RBFOX3: variants seen among roughly 807,000 people sequenced by gnomAD.
RBFOX3 encodes the protein RNA binding protein fox-1 homolog 3.
A neutral mutation model predicts 48.7 loss-of-function variants in RBFOX3; 17 were observed. The ratio of observed to expected loss-of-function variants is 0.35; its 90% CI spans 0.24 to 0.52. RBFOX3 has a LOEUF of 0.52. Ranked by LOEUF, RBFOX3 falls within the 20% of genes least tolerant of loss-of-function variation. The pLI is 0.94. For missense variants in RBFOX3, 382 were observed against 497.5 expected (o/e 0.77, Z 2.21); for synonymous variants, 212 against 209.5 (o/e 1.01, Z -0.10).
chr17:79,371,845 G>T (rs1314509875), intron 2 of RBFOX3, among the ~76,000 whole-genome samples: 1 of 152,184 alleles, frequency 6.6e-6, no homozygotes, highest in Admixed American at 6.5e-5. Flanking sequence ...GCGTGTCTCT[G>T]CTGTGTCACG....
At position 79,276,635 on chromosome 17, in the gene RBFOX3, A is replaced by G. The variant is rs752094031; in HGVS notation, c.-74+31089T>C. Reference sequence around the variant, plus strand: ...AGGAGTGAGAGGTTGCAGTGAGCCCAGCTTGTGCCACTGCACTCCAGCCTG... The same window carrying G: ...AGGAGTGAGAGGTTGCAGTGAGCCCGGCTTGTGCCACTGCACTCCAGCCTG... On this transcript the variant is annotated intron_variant, in intron 3 of 14. Transcript: ENST00000693108. Among the ~76,000 whole-genome samples, 24 of 152,336 alleles carry G rather than the reference A, an allele frequency of 1.6e-4. No homozygotes were observed. The East Asian group carries it at 4.1e-3, about 26-fold the overall frequency.
intron 2 of RBFOX3, among the ~76,000 whole-genome samples, chr17:79,398,650 G>A (rs542001089): frequency 1.9e-4 from 29 of 152,362 alleles, no homozygotes; most frequent in African/African-American, 6.0e-4. Flanking sequence ...CGTGGGCGAC[G>A]ATGCGGCTCC....
At chr17:79,452,292 T>C (rs782388743) in intron 2 of RBFOX3, among the ~76,000 whole-genome samples, 1 of 152,018 alleles carries the variant, frequency 6.6e-6, no homozygotes, top group Non-Finnish European at 1.5e-5. Flanking sequence ...CAGTGCAGGA[T>C]GGAGGCCCAC....
intron 3 of RBFOX3, among the ~76,000 whole-genome samples, chr17:79,259,049 T>C (rs1377102452): frequency 2.0e-5 from 3 of 152,256 alleles, no homozygotes; most frequent in Non-Finnish European, 2.9e-5. Context: ...TCTAAGTCAT[T>C]GCTCAAAACC....
chr17:79,610,932 C>T lies in RBFOX3; in HGVS notation c.-426G>A, dbSNP rs2093957011. 6.6e-6 allele frequency among the ~76,000 whole-genome samples: 1 copy of T among 151,342 alleles called. No homozygotes were observed. Among genetic ancestry groups the T allele is most frequent in the Admixed American group, 6.6e-5 (1 of 15,178 alleles). On this transcript the variant is annotated 5_prime_UTR_variant, in exon 1 of 15. Coordinates refer to ENST00000693108, the MANE Select transcript of RBFOX3 (RefSeq NM_001350451.2). ...CGTCCTGGGGCCGCACAGGCACCGG[C>T]GAGCCAGCGGCAAGGGGCGCGCGAG...
At chr17:79,409,051 G>A (rs1194798854) in intron 2 of RBFOX3, among the ~76,000 whole-genome samples, 1 of 152,096 alleles carries the variant, frequency 6.6e-6, no homozygotes, top group African/African-American at 2.4e-5. Flanking sequence ...CTGACTCTAT[G>A]GATTTACCTA....
intron 4 of RBFOX3, among the ~76,000 whole-genome samples, chr17:79,142,537 G>C (rs1456323440): frequency 6.6e-6 from 1 of 152,058 alleles, no homozygotes; most frequent in East Asian, 1.9e-4. Flanking sequence ...GCCCCTACTG[G>C]GGCTGCAACG....
chr17:79,294,058 G>A (rs1286513822), intron 3 of RBFOX3, among the ~76,000 whole-genome samples: 2 of 152,182 alleles, frequency 1.3e-5, no homozygotes, highest in Non-Finnish European at 2.9e-5. Flanking sequence ...ATACAGAGCA[G>A]GTGCAGATTC....
At chr17:79,303,116 G>A (rs545095574) in intron 3 of RBFOX3, among the ~76,000 whole-genome samples, 18 of 152,262 alleles carry the variant, frequency 1.2e-4, no homozygotes, top group East Asian at 3.9e-4. Flanking sequence ...GGCTGAGGTC[G>A]GAGGATCGCT....
intron 13 of RBFOX3, 88 bp downstream of exon 13, chr17:79,095,425 C>T (rs1275566047): frequency 5.6e-6 from 7 of 1,253,396 alleles, no homozygotes; most frequent in Non-Finnish European, 7.9e-6. Context: ...TGGGTTACGC[C>T]TCCTGCCTGT....
At chr17:79,545,065 A>G (rs1171771471) in intron 1 of RBFOX3, among the ~76,000 whole-genome samples, 1 of 151,826 alleles carries the variant, frequency 6.6e-6, no homozygotes, top group Non-Finnish European at 1.5e-5. Context: ...ACAAGAATGA[A>G]TCCTGGGGGG....
Position 79,391,221 on chromosome 17 carries a change from A to G in RBFOX3, c.-174-83397T>C, listed in dbSNP as rs2061344168. Among the ~76,000 whole-genome samples the G allele has an allele frequency of 6.6e-6, 1 of 151,816 alleles. No homozygotes were observed. The highest frequency in any genetic ancestry group is 1.5e-5 in the Non-Finnish European group (1 of 67,996). On this transcript the variant is annotated intron_variant, in intron 2 of 14. Transcript: ENST00000693108. This position sits in a 1 kb window ranked among gnomAD's most constrained non-coding sequence, Gnocchi z 5.0. ...CTCTTCAACCGTCAGCGACTTCCCC[A>G]CTGCTTGCAGGATGAAATCCAAATT...
intron 4 of RBFOX3, among the ~76,000 whole-genome samples, chr17:79,209,163 C>A (rs1431125800): frequency 6.6e-6 from 1 of 152,226 alleles, no homozygotes; most frequent in African/African-American, 2.4e-5. Flanking sequence ...CCTCTCCCAC[C>A]AGGCCACCCA....
At chr17:79,486,420 C>G (rs2079613867) in intron 1 of RBFOX3, among the ~76,000 whole-genome samples, 1 of 152,180 alleles carries the variant, frequency 6.6e-6, no homozygotes, top group Non-Finnish European at 1.5e-5. Flanking sequence ...CAGGGACACC[C>G]CACTGTTGAC....
rs1465697908 is a variant in RBFOX3, at chr17:79,104,000, C to T, written c.414+73G>A. ...GGCGCGAAGCTCTCCAGGAAGGAAA[C>T]GCACATTTCACACGTTAGCCTGGCG... is the stretch of plus-strand genomic sequence containing the variant. On this transcript the variant is annotated intron_variant, in intron 7 of 14. Coordinates refer to ENST00000693108, the MANE Select transcript of RBFOX3 (RefSeq NM_001350451.2). The surrounding 1 kb of genome is among the most constrained non-coding windows in gnomAD (Gnocchi z 6.1). The T allele has an allele frequency of 2.2e-5, 30 of 1,337,786 alleles. No homozygotes were observed. The highest frequency in any genetic ancestry group is 2.5e-5 in the South Asian group (2 of 79,748). The allele number at this position is 1,337,786 out of a possible 1,614,324, so 82.9% of individuals were successfully genotyped here. A position where few individuals can be genotyped will look rare whatever the true frequency, so the allele number is the denominator to read the frequency against.
At chr17:79,385,332 G>A (rs2060424976) in intron 2 of RBFOX3, among the ~76,000 whole-genome samples, 1 of 152,230 alleles carries the variant, frequency 6.6e-6, no homozygotes, top group African/African-American at 2.4e-5. Context: ...TACCAGCCAT[G>A]GGAAGTCAGG....
intron 3 of RBFOX3, among the ~76,000 whole-genome samples, chr17:79,275,185 C>T (rs1257462889): frequency 7.0e-6 from 1 of 142,192 alleles, no homozygotes; most frequent in Non-Finnish European, 1.6e-5. Flanking sequence ...CCTCCCCTGG[C>T]CTCATGCTCC....
rs1419656382 is a variant in RBFOX3, at chr17:79,531,378, C to T, written c.-319-48780G>A. Among the ~76,000 whole-genome samples, 3 of 152,292 alleles carry T rather than the reference C, an allele frequency of 2.0e-5. No individual in the cohort carries two copies. The East Asian group carries it at 5.8e-4, about 29-fold the overall frequency. ...AGGGCGGCCCAGGCGAGCAGGTGGG[C>T]CCAGGCAGCTTGGCGGCTAAGTGTT... On this transcript the variant is annotated intron_variant, in intron 1 of 14. Transcript: ENST00000693108.
chr17:79,380,720 A>AC (rs2059799800), intron 2 of RBFOX3, among the ~76,000 whole-genome samples: 1 of 152,174 alleles, frequency 6.6e-6, no homozygotes, highest in South Asian at 2.1e-4. Flanking sequence ...CAATGGATCC[A>AC]CAGTGGCCCT....
Sources: allele counts gnomAD v4.1 joint callset (sites outside exome capture counted in the v4.1 genomes callset), GRCh38; gene constraint gnomAD v4.1.1; non-coding constraint Gnocchi (gnomAD v3.1); transcripts MANE v1.5; gene names NCBI Gene and HGNC (gene_info 2026-07-23, HGNC 2026-07-21).